Variants in SRD5A2 observed in about 807,000 individuals in gnomAD.
SRD5A2 encodes 3-oxo-5-alpha-steroid 4-dehydrogenase 2.
Under a neutral mutation model 27.4 loss-of-function variants are expected in SRD5A2, and 30 were observed. The observed-to-expected ratio is 1.10, with a 90% CI of 0.82 to 1.49. SRD5A2 has a LOEUF of 1.49. Among genes scored for constraint, SRD5A2 ranks in the 40% most tolerant of loss-of-function variants. The pLI is 0.00. For missense variants in SRD5A2, 348 were observed against 323.4 expected (o/e 1.08, Z -0.58); for synonymous variants, 141 against 133.6 (o/e 1.06, Z -0.38).
chr2:31,528,016 C>T (rs1298701794), intron 4 of SRD5A2, among the ~76,000 whole-genome samples: 1 of 152,188 alleles, frequency 6.6e-6, no homozygotes, highest in Non-Finnish European at 1.5e-5. Context: ...TTACACTTGG[C>T]AAGTTAAAGC....
At chr2:31,573,015 T>A (rs1040014856) in intron 1 of SRD5A2, among the ~76,000 whole-genome samples, 2 of 152,140 alleles carry the variant, frequency 1.3e-5, no homozygotes, top group African/African-American at 4.8e-5. Flanking sequence ...CAAGACTGAG[T>A]ATACAAAGTA....
the SRD5A2 span, among the ~76,000 whole-genome samples, chr2:31,617,868 T>A: frequency 1.9e-4 from 29 of 152,230 alleles, no homozygotes; most frequent in Non-Finnish European, 3.8e-4. Context: ...TGTCTTCTTT[T>A]GAGCCCTCCA....
chr2:31,609,606 C>G, the SRD5A2 span, among the ~76,000 whole-genome samples: 5 of 152,038 alleles, frequency 3.3e-5, no homozygotes, highest in African/African-American at 4.8e-5. Context: ...ACCCCACATG[C>G]AAAAATTAAC....
chr2:31,568,410 T>A (rs1371693964), intron 1 of SRD5A2, among the ~76,000 whole-genome samples: 1 of 151,990 alleles, frequency 6.6e-6, no homozygotes, highest in Non-Finnish European at 1.5e-5. Context: ...CTTCAGTGAG[T>A]GACAGAGAGG....
chr2:31,581,593 C>A (rs988697629), upstream of SRD5A2, among the ~76,000 whole-genome samples: 7 of 152,200 alleles, frequency 4.6e-5, no homozygotes, highest in Non-Finnish European at 8.8e-5. Flanking sequence ...TGCATCCCCG[C>A]ACGCGTCCCT....
At chr2:31,619,168 G>A in the SRD5A2 span, among the ~76,000 whole-genome samples, 3 of 152,066 alleles carry the variant, frequency 2.0e-5, no homozygotes, top group East Asian at 1.9e-4. Flanking sequence ...AATAACAAAT[G>A]TTAACAAGGA....
upstream of SRD5A2, among the ~76,000 whole-genome samples, chr2:31,582,936 T>TA (rs397812666): frequency 3.3e-5 from 5 of 151,984 alleles, no homozygotes; most frequent in Non-Finnish European, 5.9e-5. Context: ...AATATTTTTT[T>TA]AAATGAAATG....
At chr2:31,536,161 A>C (rs1174962891) in intron 1 of SRD5A2, among the ~76,000 whole-genome samples, 1 of 152,246 alleles carries the variant, frequency 6.6e-6, no homozygotes, top group Non-Finnish European at 1.5e-5. Flanking sequence ...GTGACTTCTT[A>C]GAAGGAAAGG....
chr2:31,547,860 T>C (rs1666294438), intron 1 of SRD5A2, among the ~76,000 whole-genome samples: 2 of 144,292 alleles, frequency 1.4e-5, no homozygotes, highest in African/African-American at 2.8e-5. Flanking sequence ...CGCCTCTCTC[T>C]ACATAGATAG....
At chr2:31,600,147 T>C in the SRD5A2 span, among the ~76,000 whole-genome samples, 5 of 152,048 alleles carry the variant, frequency 3.3e-5, no homozygotes, top group African/African-American at 9.7e-5. Flanking sequence ...CCCATGTTCT[T>C]GCACAGGATA....
At chr2:31,610,110 C>T in the SRD5A2 span, among the ~76,000 whole-genome samples, 2 of 152,052 alleles carry the variant, frequency 1.3e-5, no homozygotes, top group South Asian at 4.2e-4. Context: ...GAACTAATAC[C>T]AATGTTTCTC....
rs782766740 is a variant in SRD5A2, at chr2:31,580,796, C to T, written c.105G>A (p.Lys35=). Residue 35 remains lysine, a synonymous_variant, in exon 1 of 5, where the codon AAG becomes AAA. Coordinates refer to ENST00000622030, the MANE Select transcript of SRD5A2 (RefSeq NM_000348.4). ...LYVAKPSGYG[K]HTESLKPAAT... ...CCGCCGGCTTCAGGCTCTCCGTGTG[C>T]TTCCCGTAGCCGGAGGGCTTCGCGA... 1.2e-6 allele frequency: 2 copies of T among 1,612,356 alleles called. No homozygotes were observed. Among genetic ancestry groups the T allele is most frequent in the Non-Finnish European group, 1.7e-6 (2 of 1,179,694 alleles).
chr2:31,587,133 TATGAAAA>T, the SRD5A2 span, among the ~76,000 whole-genome samples: 2 of 151,868 alleles, frequency 1.3e-5, no homozygotes, highest in African/African-American at 2.4e-5. Context: ...CCAACAAACA[TATGAAAA>T]AAAGCTCATC....
chr2:31,590,967 TA>T, the SRD5A2 span, among the ~76,000 whole-genome samples: 5 of 152,162 alleles, frequency 3.3e-5, no homozygotes, highest in Non-Finnish European at 7.4e-5. Flanking sequence ...ATGTTAGACC[TA>T]AAACCATAAA....
chr2:31,616,429 T>C, the SRD5A2 span, among the ~76,000 whole-genome samples: 1 of 152,170 alleles, frequency 6.6e-6, no homozygotes, highest in Non-Finnish European at 1.5e-5. Flanking sequence ...AGGTGTACCC[T>C]GCAAAGCCAC....
chr2:31,570,946 C>T (rs565502272), intron 1 of SRD5A2, among the ~76,000 whole-genome samples: 3 of 152,266 alleles, frequency 2.0e-5, no homozygotes, highest in South Asian at 2.1e-4. Flanking sequence ...GGCCATACTG[C>T]CAAAGCGATT....
chr2:31,588,409 T>C, the SRD5A2 span, among the ~76,000 whole-genome samples: 1 of 152,112 alleles, frequency 6.6e-6, no homozygotes, highest in Admixed American at 6.5e-5. Flanking sequence ...GGGGCTCCAA[T>C]ACATCTGGCA....
the SRD5A2 span, among the ~76,000 whole-genome samples, chr2:31,612,533 G>C: frequency 9.9e-5 from 15 of 152,206 alleles, no homozygotes; most frequent in African/African-American, 3.4e-4. Context: ...GAAGTAAAAA[G>C]AAATATAGTT....
chr2:31,578,278 G>T (rs1667000147), intron 1 of SRD5A2, among the ~76,000 whole-genome samples: 1 of 152,022 alleles, frequency 6.6e-6, no homozygotes, highest in Non-Finnish European at 1.5e-5. Flanking sequence ...AATAAATATA[G>T]TTTTTAAAAA....
Sources: allele counts gnomAD v4.1 joint callset (sites outside exome capture counted in the v4.1 genomes callset), GRCh38; gene constraint gnomAD v4.1.1; transcripts MANE v1.5; gene names NCBI Gene and HGNC (gene_info 2026-07-23, HGNC 2026-07-21).